The following EPB41L4B variants were observed in gnomAD, a reference collection of about 807,000 sequenced individuals.
The protein encoded by EPB41L4B is band 4.1-like protein 4B.
In EPB41L4B, 30 loss-of-function variants were observed where a neutral mutation model predicts 112.5. The ratio of observed to expected loss-of-function variants is 0.27; its 90% CI spans 0.20 to 0.36. EPB41L4B has a LOEUF of 0.36. Among genes scored for constraint, EPB41L4B ranks in the 10% least tolerant of loss-of-function variants. The probability of loss-of-function intolerance (pLI) is 1.00; values close to 1 mark genes in which losing one functional copy is unlikely to be tolerated. For missense variants in EPB41L4B, 1,024 were observed against 1,133.3 expected, an observed-to-expected ratio of 0.90 and a Z score of 1.38; for synonymous variants, 408 against 439.7, an observed-to-expected ratio of 0.93 and a Z score of 0.90.
At chr9:109,258,060 C>A (rs566417580) in intron 7 of EPB41L4B, 117 bp downstream of exon 7, 1 of 1,102,570 alleles carries the variant, frequency 9.1e-7, no homozygotes, top group South Asian at 1.6e-5. Flanking sequence ...GAAGAGTTGG[C>A]GCTGCAGTTT....
At chr9:109,291,757 C>T (rs984597982) in intron 1 of EPB41L4B, among the ~76,000 whole-genome samples, 1 of 152,128 alleles carries the variant, frequency 6.6e-6, no homozygotes, top group Admixed American at 6.5e-5. Flanking sequence ...CCACGGATGA[C>T]CAGGGCCCTC....
intron 1 of EPB41L4B, among the ~76,000 whole-genome samples, chr9:109,293,986 C>G (rs1157209209): frequency 1.3e-5 from 2 of 152,186 alleles, no homozygotes; most frequent in East Asian, 3.9e-4. Context: ...CTAAACCCAT[C>G]AAGGACTTTG....
At chr9:109,201,715 A>G (rs1832840188) in intron 19 of EPB41L4B, among the ~76,000 whole-genome samples, 1 of 152,136 alleles carries the variant, frequency 6.6e-6, no homozygotes, top group African/African-American at 2.4e-5. Flanking sequence ...GGCAGAGTGG[A>G]GACCTGGCTG....
chr9:109,271,233 C>G (rs1338131129), intron 2 of EPB41L4B, among the ~76,000 whole-genome samples: 2 of 152,236 alleles, frequency 1.3e-5, no homozygotes, highest in African/African-American at 2.4e-5. Flanking sequence ...CCATTGTGGG[C>G]TGGGCTCCAT....
chr9:109,201,626 G>A (rs566470032), intron 19 of EPB41L4B, among the ~76,000 whole-genome samples: 7 of 152,098 alleles, frequency 4.6e-5, no homozygotes, highest in African/African-American at 1.2e-4. Flanking sequence ...AATTTGCTTG[G>A]GTGGAACGGT....
intron 1 of EPB41L4B, among the ~76,000 whole-genome samples, chr9:109,316,130 T>C (rs1309940915): frequency 6.6e-6 from 1 of 152,188 alleles, no homozygotes; most frequent in Admixed American, 6.5e-5. Context: ...AGAGCTGCAA[T>C]TGCCCAAAGC....
In EPB41L4B at chr9:109,267,570, A is replaced by C; in HGVS notation, c.455-19T>G. On this transcript the variant is annotated intron_variant, in intron 3 of 25. Transcript: ENST00000374566. ...GGTCCAACTAAACATTTGGAGATGG[A>C]AGGTTGAAGATGTTTTTCCCCCAGT... 6.6e-7 allele frequency: 1 copy of C among 1,522,706 alleles called. No homozygotes were observed. The highest frequency in any genetic ancestry group is 9.1e-7 in the Non-Finnish European group (1 of 1,097,792). The allele number at this position is 1,522,706 out of a possible 1,614,324, so 94.3% of individuals were successfully genotyped here.
intron 20 of EPB41L4B, among the ~76,000 whole-genome samples, chr9:109,195,167 C>T (rs1231767697): frequency 1.3e-5 from 2 of 152,166 alleles, no homozygotes; most frequent in Non-Finnish European, 2.9e-5. Context: ...CACATTGTCC[C>T]TAAGGATCTG....
intron 14 of EPB41L4B, among the ~76,000 whole-genome samples, chr9:109,245,554 T>C (rs1192839847): frequency 6.6e-6 from 1 of 152,206 alleles, no homozygotes; most frequent in Non-Finnish European, 1.5e-5. Context: ...GGGAAGCTAA[T>C]CATCCTGCAA....
chr9:109,320,042 G>T, intron 1 of EPB41L4B, 99 bp downstream of exon 1: 1 of 985,614 alleles, frequency 1.0e-6, no homozygotes, highest in Non-Finnish European at 1.3e-6. Context: ...GATCCCCAGG[G>T]AGGTGCAAGG....
intron 1 of EPB41L4B, among the ~76,000 whole-genome samples, chr9:109,283,513 AG>A (rs1836152459): frequency 6.6e-6 from 1 of 152,150 alleles, no homozygotes; most frequent in South Asian, 2.1e-4. Context: ...TCTCCACCAC[AG>A]GGACGCAGAA....
intron 17 of EPB41L4B, among the ~76,000 whole-genome samples, chr9:109,211,771 A>T (rs1481879637): frequency 7.1e-6 from 1 of 141,608 alleles, no homozygotes; most frequent in Non-Finnish European, 1.5e-5. Flanking sequence ...GCTGCAGTGC[A>T]GTGGCAGGAT....
intron 15 of EPB41L4B, chr9:109,241,004 C>A: frequency 1.0e-6 from 1 of 985,216 alleles, no homozygotes. Flanking sequence ...CCCCCTGTAT[C>A]TATATAACAT....
chr9:109,186,636 G>C (rs1370741729), intron 22 of EPB41L4B, among the ~76,000 whole-genome samples: 2 of 151,824 alleles, frequency 1.3e-5, no homozygotes, highest in Non-Finnish European at 2.9e-5. Context: ...CACCATGCCT[G>C]GCTAATATTT....
At chr9:109,298,652 A>C (rs959009141) in intron 1 of EPB41L4B, among the ~76,000 whole-genome samples, 2 of 152,252 alleles carry the variant, frequency 1.3e-5, no homozygotes, top group Admixed American at 6.5e-5. Context: ...ATGCCAAGGA[A>C]CAAGTGTTAA....
At chr9:109,266,469 T>C (rs796822100) in intron 4 of EPB41L4B, among the ~76,000 whole-genome samples, 1 of 152,120 alleles carries the variant, frequency 6.6e-6, no homozygotes, top group Admixed American at 6.5e-5. Context: ...GCAGCCTACA[T>C]AGCCTATATG....
At chr9:109,307,681 C>T (rs527254792) in intron 1 of EPB41L4B, among the ~76,000 whole-genome samples, 7 of 152,268 alleles carry the variant, frequency 4.6e-5, no homozygotes, top group East Asian at 1.9e-4. Context: ...GTCAAGAGTG[C>T]GCTGCAGGTT....
intron 1 of EPB41L4B, among the ~76,000 whole-genome samples, chr9:109,286,132 T>C (rs1333214575): frequency 8.5e-6 from 1 of 117,244 alleles, no homozygotes; most frequent in Non-Finnish European, 1.7e-5. Flanking sequence ...ATGACTATTA[T>C]ATGCAGGGGA....
At chr9:109,262,994 G>T in intron 6 of EPB41L4B, 56 bp downstream of exon 6, 2 of 1,243,644 alleles carry the variant, frequency 1.6e-6, no homozygotes, top group Non-Finnish European at 2.3e-6. Context: ...ACACTCATTT[G>T]TTGAAATAAA....
Sources: allele counts gnomAD v4.1 joint callset (sites outside exome capture counted in the v4.1 genomes callset), GRCh38; gene constraint gnomAD v4.1.1; transcripts MANE v1.5; gene names NCBI Gene and HGNC (gene_info 2026-07-23, HGNC 2026-07-21).